Variants in MSRB3 observed in about 807,000 individuals in gnomAD.
MSRB3 encodes the protein methionine sulfoxide reductase B3.
MSRB3 carries 13 observed loss-of-function variants against 21.0 expected under a neutral mutation model. That is an observed-to-expected ratio of 0.62 (90% CI 0.40 to 0.98). MSRB3 has a LOEUF of 0.98. MSRB3 is among the 50% of genes least tolerant of loss of function. MSRB3 has a pLI of 0.00. For missense variants in MSRB3, 199 were observed against 230.3 expected (o/e 0.86, Z 0.88); for synonymous variants, 87 against 88.6 (o/e 0.98, Z 0.10).
chr12:65,419,292 C>T, intron 5 of MSRB3: 1 of 748,410 alleles, frequency 1.3e-6, no homozygotes, highest in South Asian at 1.4e-5. Context: ...TGGCAAGGTC[C>T]TGAGATTTGG....
At chr12:65,311,895 T>A (rs1874009390) in intron 2 of MSRB3, among the ~76,000 whole-genome samples, 1 of 152,086 alleles carries the variant, frequency 6.6e-6, no homozygotes, top group African/African-American at 2.4e-5. Flanking sequence ...AGCTTTGACT[T>A]TTTTTACGTC....
intron 5 of MSRB3, among the ~76,000 whole-genome samples, chr12:65,432,974 A>T (rs1309482196): frequency 6.6e-6 from 1 of 151,416 alleles, no homozygotes; most frequent in Non-Finnish European, 1.5e-5. Context: ...AAACAACAAA[A>T]TAATAAGTGT....
chr12:65,333,981 A>T (rs1052671611), intron 4 of MSRB3, among the ~76,000 whole-genome samples: 1 of 152,200 alleles, frequency 6.6e-6, no homozygotes, highest in Admixed American at 6.5e-5. Flanking sequence ...CACAAGATAG[A>T]TTCTGGGATT....
intron 6 of MSRB3, among the ~76,000 whole-genome samples, chr12:65,455,358 T>C (rs1883041287): frequency 6.6e-6 from 1 of 152,202 alleles, no homozygotes; most frequent in African/African-American, 2.4e-5. Flanking sequence ...AGCTCACTCT[T>C]GTTTCTCAGA....
At chr12:65,370,581 A>G (rs112764465) in intron 5 of MSRB3, among the ~76,000 whole-genome samples, 72 of 152,340 alleles carry the variant, frequency 4.7e-4, no homozygotes, top group Admixed American at 3.9e-4. Context: ...AGCTATTGTC[A>G]AAGTCAGACA....
At chr12:65,373,635 A>G (rs1459003437) in intron 5 of MSRB3, among the ~76,000 whole-genome samples, 3 of 152,186 alleles carry the variant, frequency 2.0e-5, no homozygotes, top group African/African-American at 4.8e-5. Context: ...GAACACAGCA[A>G]CTCAAAGGTA....
At chr12:65,336,827 A>G (rs1445266315) in intron 4 of MSRB3, among the ~76,000 whole-genome samples, 1 of 152,232 alleles carries the variant, frequency 6.6e-6, no homozygotes, top group Non-Finnish European at 1.5e-5. Context: ...GAATTGCACA[A>G]ATTTTAATCA....
At chr12:65,328,626 G>A (rs920850724) in intron 4 of MSRB3, 23 bp downstream of exon 4, 1 of 1,504,634 alleles carries the variant, frequency 6.6e-7, no homozygotes, top group Non-Finnish European at 9.3e-7. Flanking sequence ...AAAACCTATA[G>A]GTATGGCTGT....
At position 65,466,213 on chromosome 12, in the gene MSRB3, A is replaced by G. The variant is rs866595278; in HGVS notation, c.*2891A>G. 2.4e-4 allele frequency: 36 copies of G among 152,172 alleles called. No homozygotes were observed. Among genetic ancestry groups the G allele is most frequent in the African/African-American group, 8.2e-4 (34 of 41,436 alleles). 9.4% of individuals were successfully genotyped at this position (152,172 alleles called of 1,614,324 possible). On this transcript the variant is annotated 3_prime_UTR_variant, in exon 7 of 7. Transcript: ENST00000308259. ...GGATCGACTTTAAGAAAAATGCAACATCTATTGAAAAAAAGTGGGGTGTAT... is the reference window on the plus strand; with the variant it reads ...GGATCGACTTTAAGAAAAATGCAACGTCTATTGAAAAAAAGTGGGGTGTAT...
intron 1 of MSRB3, among the ~76,000 whole-genome samples, chr12:65,307,755 C>G (rs1873742419): frequency 6.6e-6 from 1 of 152,084 alleles, no homozygotes; most frequent in Non-Finnish European, 1.5e-5. Context: ...CATTTTTACA[C>G]TTTTTGAATT....
At chr12:65,434,657 A>C (rs1882038121) in intron 5 of MSRB3, among the ~76,000 whole-genome samples, 1 of 151,820 alleles carries the variant, frequency 6.6e-6, no homozygotes, top group South Asian at 2.1e-4. Context: ...TGGCATATGG[A>C]TGCAACAATG....
At chr12:65,325,641 G>A (rs368578856) in intron 2 of MSRB3, among the ~76,000 whole-genome samples, 6 of 152,018 alleles carry the variant, frequency 3.9e-5, no homozygotes, top group Admixed American at 2.0e-4. Context: ...TAAAAAAAAC[G>A]GGAAGCATTT....
intron 1 of MSRB3, among the ~76,000 whole-genome samples, chr12:65,290,138 A>C (rs1872592728): frequency 6.6e-6 from 1 of 152,134 alleles, no homozygotes. Context: ...TTTAATAATA[A>C]TAGTGATGAT....
intron 1 of MSRB3, chr12:65,285,331 T>A (rs960518243): frequency 2.0e-5 from 3 of 152,362 alleles, no homozygotes; most frequent in Middle Eastern, 3.4e-3. Flanking sequence ...TTGGCCGTGG[T>A]AGCCTGGAGC....
At chr12:65,434,743 T>G (rs1882041718) in intron 5 of MSRB3, among the ~76,000 whole-genome samples, 1 of 151,974 alleles carries the variant, frequency 6.6e-6, no homozygotes. Context: ...ATTGTTTCCA[T>G]CTGGAGGTTA....
intron 5 of MSRB3, chr12:65,418,587 C>T: frequency 1.8e-6 from 1 of 563,178 alleles, no homozygotes; most frequent in Non-Finnish European, 3.1e-6. Context: ...TGGAGCTTTT[C>T]CCTGTTTTGT....
At chr12:65,401,524 C>T (rs186971348) in intron 5 of MSRB3, among the ~76,000 whole-genome samples, 12 of 152,232 alleles carry the variant, frequency 7.9e-5, no homozygotes, top group Non-Finnish European at 1.5e-4. Context: ...AGATGGGTAT[C>T]CTGAATACAG....
intron 5 of MSRB3, among the ~76,000 whole-genome samples, chr12:65,388,228 G>C (rs1440462370): frequency 6.6e-6 from 1 of 152,148 alleles, no homozygotes; most frequent in Non-Finnish European, 1.5e-5. Context: ...CAGTGCTTTT[G>C]TGTCCACCAG....
intron 4 of MSRB3, among the ~76,000 whole-genome samples, chr12:65,365,199 A>C (rs373973210): frequency 6.6e-6 from 1 of 151,960 alleles, no homozygotes; most frequent in East Asian, 1.9e-4. Context: ...CACCTTTTTA[A>C]TAATTCTTAA....
Sources: gnomAD v4.1 joint callset for allele counts (sites outside exome capture counted in the v4.1 genomes callset) on GRCh38, gnomAD v4.1.1 for gene constraint, MANE v1.5 for transcripts, NCBI Gene and HGNC (gene_info 2026-07-23, HGNC 2026-07-21) for gene names.